Variants in SLC49A4 observed in about 807,000 individuals in gnomAD.
The protein encoded by SLC49A4 is disrupted in renal cancer protein 2.
In SLC49A4, 36 loss-of-function variants were observed where a neutral mutation model predicts 50.6. That is an observed-to-expected ratio of 0.71 (90% CI 0.55 to 0.94). The LOEUF (loss-of-function observed/expected upper bound fraction) is 0.94. Ranked by LOEUF, SLC49A4 falls within the 40% of genes least tolerant of loss-of-function variation. The pLI is 0.00. For missense variants in SLC49A4, 503 were observed against 605.7 expected, an observed-to-expected ratio of 0.83 and a Z score of 1.78; for synonymous variants, 248 against 241.2, an observed-to-expected ratio of 1.03 and a Z score of -0.26.
chr3:122,797,902 G>A (rs1015214814), intron 1 of SLC49A4, among the ~76,000 whole-genome samples: 10 of 152,136 alleles, frequency 6.6e-5, no homozygotes, highest in Non-Finnish European at 1.0e-4. Context: ...GATCAGTTGA[G>A]CCCAGGAAGT....
chr3:122,813,493 T>C (rs933753323), intron 2 of SLC49A4, among the ~76,000 whole-genome samples: 1 of 152,192 alleles, frequency 6.6e-6, no homozygotes, highest in Non-Finnish European at 1.5e-5. Flanking sequence ...AGAAGTCTCC[T>C]GCGTGCCCCT....
intron 6 of SLC49A4, among the ~76,000 whole-genome samples, chr3:122,858,771 G>A (rs986949419): frequency 6.6e-6 from 1 of 152,132 alleles, no homozygotes; most frequent in Non-Finnish European, 1.5e-5. Context: ...TCTATAAGAG[G>A]AACAGTTCTG....
chr3:122,811,041 C>A (rs898501129), intron 2 of SLC49A4, among the ~76,000 whole-genome samples: 21 of 152,116 alleles, frequency 1.4e-4, no homozygotes, highest in Admixed American at 7.2e-4. Context: ...AGACACAAGT[C>A]CCAGAAGCCA....
intron 2 of SLC49A4, among the ~76,000 whole-genome samples, chr3:122,807,224 T>TTA (rs55742114): frequency 0.033 from 4,996 of 150,766 alleles, 109 homozygotes; most frequent in Middle Eastern, 0.087. Flanking sequence ...ATATAACATA[T>TTA]TATATATATA....
intron 2 of SLC49A4, 110 bp from the exon 3 acceptor site, chr3:122,826,690 G>T: frequency 9.4e-7 from 1 of 1,067,468 alleles, no homozygotes; most frequent in South Asian, 1.5e-5. Context: ...ATTCTTTACA[G>T]ATATGTATAC....
intron 5 of SLC49A4, 105 bp downstream of exon 5, chr3:122,845,976 C>T (rs1267083003): frequency 4.9e-6 from 3 of 610,014 alleles, no homozygotes; most frequent in East Asian, 3.3e-5. Context: ...GGTAAAACAT[C>T]GTCCTATACC....
intron 2 of SLC49A4, among the ~76,000 whole-genome samples, chr3:122,810,780 T>C (rs1232167043): frequency 2.0e-5 from 3 of 152,246 alleles, no homozygotes; most frequent in Non-Finnish European, 4.4e-5. Context: ...ATATACTCCA[T>C]TGTGAAATAC....
chr3:122,857,374 A>G (rs973407166), intron 6 of SLC49A4, among the ~76,000 whole-genome samples: 3 of 151,998 alleles, frequency 2.0e-5, no homozygotes, highest in African/African-American at 7.2e-5. Flanking sequence ...TTCCAAAGAG[A>G]TAATATTCAT....
chr3:122,869,477 C>G (rs925605055), intron 7 of SLC49A4, among the ~76,000 whole-genome samples: 4 of 152,166 alleles, frequency 2.6e-5, no homozygotes, highest in East Asian at 1.9e-4. Flanking sequence ...AACACCGCCC[C>G]CATTGGGGGA....
At chr3:122,846,558 A>G (rs765258634) in intron 5 of SLC49A4, among the ~76,000 whole-genome samples, 33 of 152,238 alleles carry the variant, frequency 2.2e-4, no homozygotes, top group Non-Finnish European at 4.3e-4. Context: ...ATACATATCT[A>G]GGAATGGAAC....
At position 122,867,091 on chromosome 3, in the gene SLC49A4, G is replaced by A. The variant is rs554582003; in HGVS notation, c.1139-5324G>A. On this transcript the variant is annotated intron_variant, in intron 7 of 8. Coordinates refer to ENST00000261038, the MANE Select transcript of SLC49A4 (RefSeq NM_032839.3). Reference sequence around the variant, plus strand: ...ATCTGATAAGTCGTTTTGAAGAAAGGCTTAAGCTAAGTTTTCCCTCTTATA... The same window carrying A: ...ATCTGATAAGTCGTTTTGAAGAAAGACTTAAGCTAAGTTTTCCCTCTTATA... Among the ~76,000 whole-genome samples, 15 of 152,272 alleles carry A rather than the reference G, an allele frequency of 9.9e-5. No individual in the cohort carries two copies. In the South Asian group the frequency reaches 3.1e-3, roughly 32 times the overall value.
chr3:122,810,360 GC>G (rs1443234296), intron 2 of SLC49A4, among the ~76,000 whole-genome samples: 1 of 152,052 alleles, frequency 6.6e-6, no homozygotes, highest in East Asian at 1.9e-4. Flanking sequence ...AAATTATAAA[GC>G]ATTTTTTCTT....
intron 8 of SLC49A4, among the ~76,000 whole-genome samples, chr3:122,872,885 A>C (rs1294595887): frequency 8.8e-6 from 1 of 113,246 alleles, no homozygotes. Flanking sequence ...AATCCTCCCC[A>C]CCCCCACGCC....
intron 5 of SLC49A4, among the ~76,000 whole-genome samples, chr3:122,850,888 G>A (rs915264804): frequency 7.2e-5 from 11 of 151,986 alleles, no homozygotes; most frequent in African/African-American, 2.4e-4. Context: ...TCTTTATTTT[G>A]TTCAGCCCTG....
intron 4 of SLC49A4, among the ~76,000 whole-genome samples, chr3:122,842,468 A>G (rs1024933671): frequency 1.5e-5 from 2 of 130,316 alleles, no homozygotes; most frequent in African/African-American, 2.9e-5. Flanking sequence ...CCTGGGCGAC[A>G]GAGCGAGACT....
At chr3:122,848,400 G>C (rs1159257089) in intron 5 of SLC49A4, among the ~76,000 whole-genome samples, 10 of 151,954 alleles carry the variant, frequency 6.6e-5, no homozygotes, top group African/African-American at 2.4e-4. Flanking sequence ...TTATAAATAA[G>C]TACTAGTTTT....
At position 122,795,501 on chromosome 3, in the gene SLC49A4, C is replaced by T. The variant is rs1463442538; in HGVS notation, c.309C>T (p.Pro103=). 1.2e-6 allele frequency: 2 copies of T among 1,602,754 alleles called. No homozygotes were observed. Among genetic ancestry groups the T allele is most frequent in the Non-Finnish European group, 1.7e-6 (2 of 1,178,536 alleles). Residue 103 remains proline (P), a synonymous_variant, in exon 1 of 9, where the codon CCC becomes CCT. Transcript: ENST00000261038. ...TGTGGGGGCCCATCGGCTTCCTGCC[C>T]TGCTTCGCGTTCATGTGGCTCCTGG... ...LVLWGPIGFL[P]CFAFMWLLDK... is the part of the protein sequence containing the mutation.
At position 122,833,040 on chromosome 3, in the gene SLC49A4, C is replaced by T. The variant is rs546006612; in HGVS notation, c.704-277C>T. 7.2e-5 allele frequency among the ~76,000 whole-genome samples: 11 copies of T among 151,992 alleles called. No individual in the cohort carries two copies. The East Asian group carries it at 2.1e-3, about 29-fold the overall frequency. ...TCACTTGAGCTCAGGAGTTCGAGAC[C>T]AGCCTGGACAACATGGTGAGACCCT... On this transcript the variant is annotated intron_variant, in intron 3 of 8. Transcript: ENST00000261038.
chr3:122,862,469 A>G (rs1378814074), intron 7 of SLC49A4, among the ~76,000 whole-genome samples: 1 of 152,248 alleles, frequency 6.6e-6, no homozygotes, highest in African/African-American at 2.4e-5. Context: ...CACAACTGGC[A>G]TCCTACATTG....
Sources: gnomAD v4.1 joint callset for allele counts (sites outside exome capture counted in the v4.1 genomes callset) on GRCh38, gnomAD v4.1.1 for gene constraint, MANE v1.5 for transcripts, NCBI Gene and HGNC (gene_info 2026-07-23, HGNC 2026-07-21) for gene names.